The following FNBP1 variants were observed in gnomAD, a reference collection of about 807,000 sequenced individuals.
FNBP1 encodes formin-binding protein 1.
In FNBP1, 26 loss-of-function variants were observed where a neutral mutation model predicts 90.6. The observed-to-expected ratio is 0.29, with a 90% CI of 0.21 to 0.40. The LOEUF (loss-of-function observed/expected upper bound fraction) is 0.40, where lower values mean the gene tolerates loss of function less well. FNBP1 is among the 10% of genes least tolerant of loss of function. FNBP1 has a pLI of 1.00. For synonymous variants in FNBP1, 260 were observed against 265.2 expected, an observed-to-expected ratio of 0.98 and a Z score of 0.19; for missense variants, 635 against 768.0, an observed-to-expected ratio of 0.83 and a Z score of 2.05.
chr9:129,994,832 T>A lies in FNBP1; in HGVS notation c.140+11A>T, dbSNP rs2053743113. 7.5e-7 allele frequency: 1 copy of A among 1,341,186 alleles called. No individual in the cohort carries two copies. Among genetic ancestry groups the A allele is most frequent in the Non-Finnish European group, 1.1e-6 (1 of 942,574 alleles). The allele number at this position is 1,341,186 out of a possible 1,614,324, so 83.1% of individuals were successfully genotyped here. On this transcript the variant is annotated intron_variant, in intron 2 of 16. Coordinates refer to ENST00000446176, the MANE Select transcript of FNBP1 (RefSeq NM_015033.3). ...GCAGTTAACAAATAACCTTTTTCAA[T>A]ATCAACTTACCTGAGTTGCTTTGCA...
chr9:129,954,122 A>C (rs886562465), intron 6 of FNBP1, among the ~76,000 whole-genome samples: 1 of 152,074 alleles, frequency 6.6e-6, no homozygotes, highest in African/African-American at 2.4e-5. Context: ...TAAATAGGGG[A>C]GATATATGCA....
chr9:129,993,998 A>G (rs1330664599), intron 2 of FNBP1, among the ~76,000 whole-genome samples: 2 of 152,278 alleles, frequency 1.3e-5, no homozygotes, highest in East Asian at 1.9e-4. Context: ...TAGTACAAGC[A>G]CACTGGAAAT....
At chr9:130,050,925 G>T in the FNBP1 span, among the ~76,000 whole-genome samples, 1 of 144,888 alleles carries the variant, frequency 6.9e-6, no homozygotes, top group South Asian at 2.2e-4. Context: ...TTTTGAGACA[G>T]AATCTCGCTC....
rs369090069 is a variant in FNBP1 at position 129,929,687 on chromosome 9, T to C, written c.522A>G (p.Gln174=). 254 of 1,613,992 alleles carry C rather than the reference T, an allele frequency of 1.6e-4. 1 individual carries two copies. Among genetic ancestry groups the C allele is most frequent in the Non-Finnish European group, 1.8e-4 (212 of 1,179,854 alleles). ...VTKADVEKAR[Q]QAQIRHQMAE... The stretch of plus-strand genomic sequence containing the variant: ...CCATTTGGTGACGTATTTGAGCTTG[T>C]TGTCGGGCCTTAGGGCAAAAACAAG... Residue 174 remains glutamine (Q), a synonymous_variant, in exon 7 of 17, where the codon CAA becomes CAG. Coordinates refer to ENST00000446176, the MANE Select transcript of FNBP1 (RefSeq NM_015033.3).
chr9:129,900,710 G>A lies in FNBP1; in HGVS notation c.1429-163C>T, dbSNP rs928633054. Among the ~76,000 whole-genome samples, 12 of 152,250 alleles carry A rather than the reference G, an allele frequency of 7.9e-5. No individual in the cohort carries two copies. Among genetic ancestry groups the A allele is most frequent in the African/African-American group, 2.2e-4 (9 of 41,474 alleles). ...TTTAACCCAATGTGAGGAAGTCCAC[G>A]TGGGGGCAGAATGGCCACGTTTTCT... On this transcript the variant is annotated intron_variant, in intron 13 of 16. Coordinates refer to ENST00000446176, the MANE Select transcript of FNBP1 (RefSeq NM_015033.3). This position sits in a 1 kb window ranked among gnomAD's most constrained non-coding sequence, Gnocchi z 4.1.
In FNBP1 at chr9:129,900,246, A is replaced by G; in HGVS notation, c.1551-145T>C. 3 of 1,126,350 alleles carry G rather than the reference A, an allele frequency of 2.7e-6. No homozygotes were observed. Among genetic ancestry groups the G allele is most frequent in the Non-Finnish European group, 3.6e-6 (3 of 822,348 alleles). The allele number at this position is 1,126,350 out of a possible 1,614,324, so 69.8% of individuals were successfully genotyped here. ...GGCCATGGTAAATCATCGCACGCTC[A>G]GATCACCCATCCCATGTGGAATTAT... On this transcript the variant is annotated intron_variant, in intron 14 of 16. Coordinates refer to ENST00000446176, the MANE Select transcript of FNBP1 (RefSeq NM_015033.3). The surrounding 1 kb of genome is among the most constrained non-coding windows in gnomAD (Gnocchi z 4.1).
intron 6 of FNBP1, among the ~76,000 whole-genome samples, chr9:129,932,102 T>C (rs1026892550): frequency 6.6e-6 from 1 of 151,636 alleles, no homozygotes; most frequent in Non-Finnish European, 1.5e-5. Flanking sequence ...TCCCAGCTAC[T>C]TGGGAGGCCG....
chr9:129,944,547 A>G lies in FNBP1; in HGVS notation c.513+12813T>C, dbSNP rs868598594. The stretch of plus-strand genomic sequence containing the variant: ...AGAGCGAGACTGCGTCTCAAAAAAA[A>G]AAAAAAAAAGTAGACTAAAGGGTAA... On this transcript the variant is annotated intron_variant, in intron 6 of 16. Coordinates refer to ENST00000446176, the MANE Select transcript of FNBP1 (RefSeq NM_015033.3). 5.7e-4 allele frequency among the ~76,000 whole-genome samples: 86 copies of G among 152,160 alleles called. 2 individuals are homozygous for G. The South Asian group carries it at 0.017, about 29-fold the overall frequency.
rs946555241 is a variant in FNBP1 at position 129,900,736 on chromosome 9, G to A, written c.1429-189C>T. The stretch of plus-strand genomic sequence containing the variant: ...TGGGGGCAGAATGGCCACGTTTTCT[G>A]CCTTCGACTGTTCAAATGTACTGAA... On this transcript the variant is annotated intron_variant, in intron 13 of 16. Coordinates refer to ENST00000446176, the MANE Select transcript of FNBP1 (RefSeq NM_015033.3). The surrounding 1 kb of genome is among the most constrained non-coding windows in gnomAD (Gnocchi z 4.1). Among the ~76,000 whole-genome samples the A allele has an allele frequency of 3.7e-4, 56 of 152,258 alleles. No homozygotes were observed. The highest frequency in any genetic ancestry group is 1.4e-3 in the African/African-American group (56 of 41,466).
chr9:130,011,269 A>ATATATATATATATAT (rs1322193913), intron 1 of FNBP1, among the ~76,000 whole-genome samples: 8 of 34,852 alleles, frequency 2.3e-4, no homozygotes, highest in South Asian at 1.4e-3. Context: ...TATATATATA[A>ATATATATATATATAT]AATATATATA....
rs199820551 is a variant in FNBP1 at position 129,925,114 on chromosome 9, G to A, written c.833C>T (p.Pro278Leu). 153 of 1,613,838 alleles carry A rather than the reference G, an allele frequency of 9.5e-5. No homozygotes were observed. The highest frequency in any genetic ancestry group is 1.8e-5 in the Non-Finnish European group (21 of 1,179,782). ...VIEAYKSGFEPPGDIEFEDYT... is the reference protein window; with the variant it reads ...VIEAYKSGFELPGDIEFEDYT... Reference sequence around the variant, plus strand: ...ATCCTCAAATTCAATGTCTCCAGGAGGCTCAAACCCTGATTTATAAGCTTC... The same window carrying A: ...ATCCTCAAATTCAATGTCTCCAGGAAGCTCAAACCCTGATTTATAAGCTTC... Residue 278 changes from proline to leucine, a missense_variant, in exon 9 of 17, where the codon CCT becomes CTT. By Grantham distance (98) the Pro-to-Leu change is moderately conservative. Transcript: ENST00000446176.
intron 6 of FNBP1, among the ~76,000 whole-genome samples, chr9:129,953,915 G>T (rs190096079): frequency 9.2e-5 from 14 of 152,038 alleles, no homozygotes; most frequent in Admixed American, 8.5e-4. Flanking sequence ...TAGTAACAAT[G>T]ATTTTAAGGC....
intron 1 of FNBP1, among the ~76,000 whole-genome samples, chr9:130,012,407 GTCA>G (rs1391731218): frequency 6.6e-6 from 1 of 152,002 alleles, no homozygotes; most frequent in Non-Finnish European, 1.5e-5. Flanking sequence ...CATCATCATT[GTCA>G]TCAACCAGTG....
intron 16 of FNBP1, chr9:129,895,266 G>A: frequency 9.5e-6 from 10 of 1,057,878 alleles, no homozygotes; most frequent in Non-Finnish European, 1.1e-5. Context: ...CACACTTTTG[G>A]TGCCAATATA....
At chr9:130,044,310 T>C (rs1452989086), upstream of FNBP1, among the ~76,000 whole-genome samples, 1 of 152,222 alleles carries the variant, frequency 6.6e-6, no homozygotes, top group Admixed American at 6.5e-5. Context: ...TTCAACCTGC[T>C]TATCATTCTC....
At position 129,890,826 on chromosome 9, in the gene FNBP1, G is replaced by A. The variant is rs1285743795; in HGVS notation, c.1847-280C>T. 1.3e-5 allele frequency among the ~76,000 whole-genome samples: 2 copies of A among 152,142 alleles called. No homozygotes were observed. Among genetic ancestry groups the A allele is most frequent in the African/African-American group, 2.4e-5 (1 of 41,438 alleles). ...CTGATGAGGCCATCCGCCCCAACTC[G>A]TCTTTCTCATAAGTTTAGTTTTGAG... is the stretch of plus-strand genomic sequence containing the variant. On this transcript the variant is annotated intron_variant, in intron 16 of 16. Coordinates refer to ENST00000446176, the MANE Select transcript of FNBP1 (RefSeq NM_015033.3). This position sits in a 1 kb window ranked among gnomAD's most constrained non-coding sequence, Gnocchi z 5.8.
At chr9:129,958,093 T>G (rs1035822239) in intron 5 of FNBP1, among the ~76,000 whole-genome samples, 3 of 152,190 alleles carry the variant, frequency 2.0e-5, no homozygotes, top group Non-Finnish European at 2.9e-5. Context: ...TTTTACTTTC[T>G]GATTGACTCA....
intron 4 of FNBP1, among the ~76,000 whole-genome samples, chr9:129,968,000 C>CG (rs986108905): frequency 2.2e-4 from 32 of 146,488 alleles, no homozygotes; most frequent in Admixed American, 4.1e-4. Flanking sequence ...TTTTTTTTGG[C>CG]GGGGGGGTCA....
Position 129,959,820 on chromosome 9 carries a change from G to A in FNBP1, c.346-1267C>T, listed in dbSNP as rs545566946. 1.2e-4 allele frequency among the ~76,000 whole-genome samples: 18 copies of A among 152,048 alleles called. No individual in the cohort carries two copies. In the East Asian group the frequency reaches 3.1e-3, roughly 26 times the overall value. On this transcript the variant is annotated intron_variant, in intron 4 of 16. Coordinates refer to ENST00000446176, the MANE Select transcript of FNBP1 (RefSeq NM_015033.3). The stretch of plus-strand genomic sequence containing the variant: ...TAAAAGAAACCTGTACCCACTAGCC[G>A]TCACCCTCCATCTTCCTCAGCCCTA...
Sources: gnomAD v4.1 joint callset for allele counts (sites outside exome capture counted in the v4.1 genomes callset) on GRCh38, gnomAD v4.1.1 for gene constraint, Gnocchi (gnomAD v3.1) non-coding constraint, MANE v1.5 for transcripts, NCBI Gene and HGNC (gene_info 2026-07-23, HGNC 2026-07-21) for gene names.